Variants in LRCH2 observed in about 807,000 individuals in gnomAD.
LRCH2 encodes the protein leucine rich repeats and calponin homology domain containing 2.
Under a neutral mutation model 68.9 loss-of-function variants are expected in LRCH2, and 38 were observed. That is an observed-to-expected ratio of 0.55 (90% confidence interval 0.43 to 0.72). LRCH2 has a LOEUF of 0.72. Ranked by LOEUF, LRCH2 falls within the 30% of genes least tolerant of loss-of-function variation. The probability of loss-of-function intolerance (pLI) is 0.00; values close to 1 mark genes in which losing one functional copy is unlikely to be tolerated. For synonymous variants in LRCH2, 191 were observed against 208.1 expected (o/e 0.92, Z 0.71); for missense variants, 528 against 572.9 (o/e 0.92, Z 0.80).
intron 15 of LRCH2, among the ~76,000 whole-genome samples, chrX:115,127,761 A>T (rs1191843655): frequency 2.7e-5 from 3 of 111,581 alleles, no homozygotes; most frequent in Non-Finnish European, 5.6e-5. Context: ...AGATGAGAGG[A>T]GAAGAACCAA....
chrX:115,113,360 A>G, intron 20 of LRCH2, 25 bp from the exon 21 acceptor site: 2 of 1,123,248 alleles, frequency 1.8e-6, no homozygotes, highest in Non-Finnish European at 2.4e-6. Flanking sequence ...GAGATATTTG[A>G]ACATTCATTT....
At chrX:115,147,583 A>T (rs1238042682) in intron 14 of LRCH2, among the ~76,000 whole-genome samples, 2 of 111,642 alleles carry the variant, frequency 1.8e-5, no homozygotes, top group African/African-American at 6.5e-5. Context: ...TAATAACTTT[A>T]TAACATAACT....
chrX:115,128,217 G>A (rs1317646219), intron 15 of LRCH2, among the ~76,000 whole-genome samples: 1 of 111,783 alleles, frequency 8.9e-6, no homozygotes, highest in Non-Finnish European at 1.9e-5. Context: ...AGAGAAAAGA[G>A]GGTATGAGGA....
chrX:115,166,419 C>G (rs1603052548), intron 6 of LRCH2, 77 bp from the exon 7 acceptor site: 16 of 617,766 alleles, frequency 2.6e-5, no homozygotes, highest in Non-Finnish European at 4.1e-5. Context: ...TAAAATTTCC[C>G]TAGATAATAC....
chrX:115,131,145 T>C lies in LRCH2; in HGVS notation c.1696-946A>G, dbSNP rs782006054. On this transcript the variant is annotated intron_variant, in intron 14 of 20. Coordinates refer to ENST00000317135, the MANE Select transcript of LRCH2 (RefSeq NM_020871.4). ...TTTTATTATATTTTAAGTTCTAGGG[T>C]ACTTGTGTACAACGTGCAGGTTACA... Among the ~76,000 whole-genome samples, 20 of 110,889 alleles carry C rather than the reference T, an allele frequency of 1.8e-4. No homozygotes were observed. In the South Asian group the frequency reaches 3.5e-3, roughly 19 times the overall value.
intron 1 of LRCH2, among the ~76,000 whole-genome samples, chrX:115,209,939 G>A (rs782695477): frequency 2.2e-4 from 25 of 111,552 alleles, no homozygotes; most frequent in Non-Finnish European, 3.9e-4. Context: ...GAACTTGAGA[G>A]AGATGATTTA....
intron 1 of LRCH2, among the ~76,000 whole-genome samples, chrX:115,195,594 C>A (rs1334741720): frequency 9.0e-6 from 1 of 111,354 alleles, no homozygotes; most frequent in Non-Finnish European, 1.9e-5. Flanking sequence ...TGTAGACAAT[C>A]ACACTTTGAA....
chrX:115,195,741 G>C (rs1017357874), intron 1 of LRCH2, among the ~76,000 whole-genome samples: 23 of 111,477 alleles, frequency 2.1e-4, no homozygotes, highest in African/African-American at 7.5e-4. Context: ...CTAAGAGAGA[G>C]TGAGTGAGTA....
chrX:115,145,745 T>G (rs782739365), intron 14 of LRCH2, among the ~76,000 whole-genome samples: 43 of 111,797 alleles, frequency 3.8e-4, no homozygotes, highest in Admixed American at 2.2e-3. Flanking sequence ...TGATGTATCA[T>G]CTTACCCCAG....
At chrX:115,220,154 T>G (rs782567770) in intron 1 of LRCH2, among the ~76,000 whole-genome samples, 15 of 112,062 alleles carry the variant, frequency 1.3e-4, no homozygotes, top group Non-Finnish European at 2.4e-4. Flanking sequence ...GAAAGCAATG[T>G]AAAGCCAGGA....
intron 14 of LRCH2, among the ~76,000 whole-genome samples, chrX:115,147,190 A>G (rs1229673182): frequency 8.9e-6 from 1 of 111,927 alleles, no homozygotes; most frequent in Non-Finnish European, 1.9e-5. Context: ...AATCCAGATT[A>G]GCTTTAATAA....
rs990690712 is a variant in LRCH2, at chrX:115,169,581, T to C, written c.998+718A>G. Among the ~76,000 whole-genome samples, 12 of 111,727 alleles carry C rather than the reference T, an allele frequency of 1.1e-4. No individual in the cohort carries two copies. In the Admixed American group the frequency reaches 1.1e-3, roughly 11 times the overall value. ...GCTGTTAACAATAGTACTTACTATA[T>C]TGCCATTCAAAGCAATATAAAATTT... On this transcript the variant is annotated intron_variant, in intron 6 of 20. Coordinates refer to ENST00000317135, the MANE Select transcript of LRCH2 (RefSeq NM_020871.4).
intron 16 of LRCH2, 102 bp downstream of exon 16, chrX:115,126,740 CA>C (rs1367965169): frequency 7.0e-5 from 39 of 560,263 alleles, no homozygotes; most frequent in East Asian, 9.2e-5. Context: ...AATTATATTG[CA>C]AAAAAAATCA....
chrX:115,162,977 G>C (rs1166551970), intron 11 of LRCH2, among the ~76,000 whole-genome samples: 1 of 111,578 alleles, frequency 9.0e-6, no homozygotes, highest in African/African-American at 3.3e-5. Context: ...GCAGCATATG[G>C]AACTTTTCCT....
In LRCH2 at chrX:115,191,282, G is replaced by C. The variant is rs1392365190; in HGVS notation, c.350-2912C>G. On this transcript the variant is annotated intron_variant, in intron 1 of 20. Coordinates refer to ENST00000317135, the MANE Select transcript of LRCH2 (RefSeq NM_020871.4). ...CGCTCGCCCAATGCCTACAGCGGGGGCCACGACAGTTCCAGCTGGAGCCAC... is the reference window on the plus strand; with the variant it reads ...CGCTCGCCCAATGCCTACAGCGGGGCCCACGACAGTTCCAGCTGGAGCCAC... 5 of 1,153,622 alleles carry C rather than the reference G, an allele frequency of 4.3e-6. No homozygotes were observed. The highest frequency in any genetic ancestry group is 4.6e-6 in the Non-Finnish European group (4 of 867,419).
intron 1 of LRCH2, among the ~76,000 whole-genome samples, chrX:115,194,359 G>C (rs980387390): frequency 8.1e-5 from 9 of 111,733 alleles, no homozygotes; most frequent in Admixed American, 5.7e-4. Context: ...ACCTCCTCTG[G>C]ATACCCAAGC....
chrX:115,230,646 TG>T (rs1316547641), intron 1 of LRCH2, among the ~76,000 whole-genome samples: 1 of 111,747 alleles, frequency 8.9e-6, no homozygotes, highest in African/African-American at 3.2e-5. Flanking sequence ...TGCTGCTACA[TG>T]TTTAGGGGGC....
chrX:115,210,088 A>T (rs1319845180), intron 1 of LRCH2, among the ~76,000 whole-genome samples: 2 of 112,029 alleles, frequency 1.8e-5, no homozygotes, highest in Non-Finnish European at 3.8e-5. Flanking sequence ...TAGAAAAGAA[A>T]ATCCCATTTT....
chrX:115,178,415 T>C (rs781796041), intron 5 of LRCH2, among the ~76,000 whole-genome samples: 8 of 112,475 alleles, frequency 7.1e-5, no homozygotes, highest in Non-Finnish European at 1.1e-4. Context: ...GGTTACAGTA[T>C]TGGACCAGTG....
Sources: allele counts gnomAD v4.1 joint callset (sites outside exome capture counted in the v4.1 genomes callset), GRCh38; gene constraint gnomAD v4.1.1; transcripts MANE v1.5; gene names NCBI Gene and HGNC (gene_info 2026-07-23, HGNC 2026-07-21).